Variants in RBFOX3 observed in about 807,000 individuals in gnomAD.
RBFOX3 encodes RNA binding protein fox-1 homolog 3.
Under a neutral mutation model 48.7 loss-of-function variants are expected in RBFOX3, and 17 were observed. The observed-to-expected ratio is 0.35, with a 90% CI of 0.24 to 0.52. RBFOX3 has a LOEUF of 0.52. Among genes scored for constraint, RBFOX3 ranks in the 20% least tolerant of loss-of-function variants. RBFOX3 has a pLI of 0.94. For missense variants in RBFOX3, 382 were observed against 497.5 expected (o/e 0.77, Z 2.21); for synonymous variants, 212 against 209.5 (o/e 1.01, Z -0.10).
chr17:79,621,317 A>G, the RBFOX3 span, among the ~76,000 whole-genome samples: 1 of 152,090 alleles, frequency 6.6e-6, no homozygotes, highest in East Asian at 1.9e-4. Context: ...ACTTTGTATT[A>G]TCCCAAAGTT....
At chr17:79,117,615 C>T (rs776303538) in intron 4 of RBFOX3, among the ~76,000 whole-genome samples, 1 of 152,224 alleles carries the variant, frequency 6.6e-6, no homozygotes, top group Non-Finnish European at 1.5e-5. Flanking sequence ...AGGAGCCCCT[C>T]ATGTGCCCAT....
rs367854365 is a variant in RBFOX3 at position 79,403,131 on chromosome 17, C to T, written c.-175+79323G>A. Among the ~76,000 whole-genome samples, 3 of 152,282 alleles carry T rather than the reference C, an allele frequency of 2.0e-5. No homozygotes were observed. The East Asian group carries it at 5.8e-4, about 29-fold the overall frequency. On this transcript the variant is annotated intron_variant, in intron 2 of 14. Transcript: ENST00000693108. ...CAGGGGGAAGGAGGAAGACTTGGCTCCCTCCCCCTCGCTGGGGCCCTGAAC... is the reference window on the plus strand; with the variant it reads ...CAGGGGGAAGGAGGAAGACTTGGCTTCCTCCCCCTCGCTGGGGCCCTGAAC...
In RBFOX3 at chr17:79,131,337, G is replaced by A. The variant is rs77453698; in HGVS notation, c.-33-15589C>T. Among the ~76,000 whole-genome samples the A allele has an allele frequency of 5.6e-3, 850 of 152,332 alleles. 3 individuals are homozygous for A. The highest frequency in any genetic ancestry group is 0.02 in the African/African-American group (821 of 41,580). ...GTGCTCTGTGCACGCTGGGAACAGC[G>A]CTAGAGCGTCTGTGCTTCTGGACAG... is the stretch of plus-strand genomic sequence containing the variant. On this transcript the variant is annotated intron_variant, in intron 4 of 14. Coordinates refer to ENST00000693108, the MANE Select transcript of RBFOX3 (RefSeq NM_001350451.2).
At chr17:79,162,355 G>A (rs963438427) in intron 4 of RBFOX3, among the ~76,000 whole-genome samples, 2 of 152,150 alleles carry the variant, frequency 1.3e-5, no homozygotes, top group Non-Finnish European at 2.9e-5. Context: ...AAGGTGAGAC[G>A]TCGGACAAGG....
chr17:79,487,595 G>T (rs970775424), intron 1 of RBFOX3, among the ~76,000 whole-genome samples: 20 of 152,106 alleles, frequency 1.3e-4, no homozygotes, highest in African/African-American at 4.8e-4. Flanking sequence ...TGAAATGAAT[G>T]CTGCAAAGAA....
At chr17:79,552,296 G>C (rs2091230268) in intron 1 of RBFOX3, among the ~76,000 whole-genome samples, 1 of 152,156 alleles carries the variant, frequency 6.6e-6, no homozygotes, top group Non-Finnish European at 1.5e-5. Flanking sequence ...GAGCTTCTGA[G>C]CTAGTTTAGG....
chr17:79,189,208 A>G (rs1240896083), intron 4 of RBFOX3, among the ~76,000 whole-genome samples: 7 of 152,244 alleles, frequency 4.6e-5, no homozygotes, highest in African/African-American at 1.7e-4. Flanking sequence ...GCCTTCATGT[A>G]TCTCACCTGA....
At chr17:79,568,080 T>C (rs1480518934) in intron 1 of RBFOX3, among the ~76,000 whole-genome samples, 1 of 152,196 alleles carries the variant, frequency 6.6e-6, no homozygotes, top group African/African-American at 2.4e-5. Flanking sequence ...ACTTCTTATC[T>C]TCCAGAGCAA....
rs1568148633 is a variant in RBFOX3 at position 79,111,027 on chromosome 17, G to A, written c.223-4239C>T. On this transcript the variant is annotated intron_variant, in intron 5 of 14. Transcript: ENST00000693108. This position sits in a 1 kb window ranked among gnomAD's most constrained non-coding sequence, Gnocchi z 4.2. Reference sequence around the variant, plus strand: ...TGCAGCTCCTGGCTGAGGGGAGAGGGCCTTGGCCAGACTGTGAAGCCTGTA... The same window carrying A: ...TGCAGCTCCTGGCTGAGGGGAGAGGACCTTGGCCAGACTGTGAAGCCTGTA... 6.6e-6 allele frequency among the ~76,000 whole-genome samples: 1 copy of A among 152,270 alleles called. No individual in the cohort carries two copies. The highest frequency in any genetic ancestry group is 2.4e-5 in the African/African-American group (1 of 41,476).
chr17:79,374,330 G>A (rs1030793083), intron 2 of RBFOX3, among the ~76,000 whole-genome samples: 1 of 152,162 alleles, frequency 6.6e-6, no homozygotes, highest in East Asian at 1.9e-4. Flanking sequence ...TCCAGGCGAG[G>A]GGGCTGGTGT....
intron 1 of RBFOX3, among the ~76,000 whole-genome samples, chr17:79,519,526 C>T (rs1455833421): frequency 6.6e-6 from 1 of 152,192 alleles, no homozygotes; most frequent in African/African-American, 2.4e-5. Context: ...CCCACCCATC[C>T]CCTCCCCTTT....
intron 2 of RBFOX3, among the ~76,000 whole-genome samples, chr17:79,428,008 G>T (rs1038706146): frequency 3.3e-5 from 5 of 152,164 alleles, no homozygotes; most frequent in Admixed American, 6.5e-5. Flanking sequence ...ACAAAACCAC[G>T]GCATCCCCAC....
the RBFOX3 span, among the ~76,000 whole-genome samples, chr17:79,654,987 A>T: frequency 6.6e-6 from 1 of 152,212 alleles, no homozygotes. Context: ...GGGATTCTAG[A>T]GGAGAGTTCC....
chr17:79,348,224 C>T (rs548126967), intron 2 of RBFOX3, among the ~76,000 whole-genome samples: 1 of 152,324 alleles, frequency 6.6e-6, no homozygotes, highest in African/African-American at 2.4e-5. Flanking sequence ...TCCCTGTGAG[C>T]ACAGGTCCCT....
rs1309342826 is a variant in RBFOX3, at chr17:79,390,644, A to G, written c.-174-82820T>C. Among the ~76,000 whole-genome samples the G allele has an allele frequency of 6.6e-6, 1 of 152,050 alleles. No individual in the cohort carries two copies. The highest frequency in any genetic ancestry group is 1.9e-4 in the East Asian group (1 of 5,176). On this transcript the variant is annotated intron_variant, in intron 2 of 14. Coordinates refer to ENST00000693108, the MANE Select transcript of RBFOX3 (RefSeq NM_001350451.2). The surrounding 1 kb of genome is among the most constrained non-coding windows in gnomAD (Gnocchi z 4.2). ...AGGCGCCTGCCACCAAACCCAGCTAATTTTGTATTTTTAGTAGAGACAGGG... is the reference window on the plus strand; with the variant it reads ...AGGCGCCTGCCACCAAACCCAGCTAGTTTTGTATTTTTAGTAGAGACAGGG...
intron 10 of RBFOX3, 76 bp from the exon 11 acceptor site, chr17:79,097,500 G>GC (rs376066148): frequency 0.1 from 136,291 of 1,341,568 alleles, 8,140 homozygotes; most frequent in African/African-American, 0.22. Context: ...CGTACACCTA[G>GC]CCCCCCCGCG....
intron 1 of RBFOX3, among the ~76,000 whole-genome samples, chr17:79,483,316 C>T (rs1375917658): frequency 4.6e-5 from 7 of 151,804 alleles, no homozygotes; most frequent in African/African-American, 1.5e-4. Flanking sequence ...TCCCTCTCTC[C>T]CCTGCAGCCC....
At chr17:79,552,573 C>A in intron 1 of RBFOX3, among the ~76,000 whole-genome samples, 1 of 152,128 alleles carries the variant, frequency 6.6e-6, no homozygotes, top group East Asian at 1.9e-4. Context: ...AGGGCCTGAA[C>A]AGGGCCTGGT....
chr17:79,450,566 C>T (rs1202418690), intron 2 of RBFOX3, among the ~76,000 whole-genome samples: 2 of 151,388 alleles, frequency 1.3e-5, no homozygotes, highest in African/African-American at 2.4e-5. Flanking sequence ...TTATGATGGG[C>T]TTATCAGGGT....
Sources: allele counts gnomAD v4.1 joint callset (sites outside exome capture counted in the v4.1 genomes callset), GRCh38; gene constraint gnomAD v4.1.1; non-coding constraint Gnocchi (gnomAD v3.1); transcripts MANE v1.5; gene names NCBI Gene and HGNC (gene_info 2026-07-23, HGNC 2026-07-21).